Variants in LONRF1 observed in about 807,000 individuals in gnomAD.
LONRF1 encodes the protein LON peptidase N-terminal domain and RING finger protein 1.
A neutral mutation model predicts 85.8 loss-of-function variants in LONRF1; 37 were observed. The observed-to-expected ratio is 0.43, with a 90% CI of 0.33 to 0.57. The LOEUF (loss-of-function observed/expected upper bound fraction) is 0.57. Among genes scored for constraint, LONRF1 ranks in the 20% least tolerant of loss-of-function variants. The probability of loss-of-function intolerance (pLI) is 0.04; values close to 1 mark genes in which losing one functional copy is unlikely to be tolerated. For missense variants in LONRF1, 1,036 were observed against 978.0 expected (o/e 1.06, Z -0.79); for synonymous variants, 517 against 390.1 (o/e 1.33, Z -3.83).
At position 12,728,992 on chromosome 8, in the gene LONRF1, T is replaced by C; in HGVS notation, c.1919A>G (p.Asp640Gly). Residue 640 changes from aspartate (D) to glycine (G), a missense_variant, in exon 10 of 12, where the codon GAT (aspartate) becomes GGT (glycine). Transcript: ENST00000398246. ...CCTAAACCGCTTTCCTCCAACTGTA[T>C]CAACCACAGACCTTCCGTCCGGTAA... Reference protein sequence around the residue: ...HFLPDGRSVVDTVGGKRFRVL... With the variant: ...HFLPDGRSVVGTVGGKRFRVL... 6.2e-7 allele frequency: 1 copy of C among 1,614,060 alleles called. No individual in the cohort carries two copies. Among genetic ancestry groups the C allele is most frequent in the Non-Finnish European group, 8.5e-7 (1 of 1,179,924 alleles).
chr8:12,753,267 T>C (rs6530970), intron 1 of LONRF1: 123,713 of 152,184 alleles, frequency 0.81, 50,725 homozygotes, highest in East Asian at 0.94. Flanking sequence ...TTGACATTAG[T>C]TCAATATGAC....
chr8:12,731,601 T>C (rs985996707), intron 8 of LONRF1, 135 bp downstream of exon 8: 1 of 694,172 alleles, frequency 1.4e-6, no homozygotes, highest in African/African-American at 1.8e-5. Flanking sequence ...TTCTGTCTGT[T>C]GAGGACCACG....
intron 1 of LONRF1, among the ~76,000 whole-genome samples, chr8:12,747,946 C>T (rs1422158792): frequency 1.3e-5 from 2 of 152,054 alleles, no homozygotes; most frequent in African/African-American, 4.8e-5. Context: ...ACATTTTTAA[C>T]ATGTAGTTTT....
At chr8:12,730,592 C>T (rs965810216) in intron 8 of LONRF1, among the ~76,000 whole-genome samples, 4 of 152,100 alleles carry the variant, frequency 2.6e-5, no homozygotes, top group Non-Finnish European at 5.9e-5. Context: ...ACCACTCTTC[C>T]GTGGGCTGGC....
chr8:12,740,385 C>G (rs1563148798), intron 3 of LONRF1, among the ~76,000 whole-genome samples: 1 of 152,136 alleles, frequency 6.6e-6, no homozygotes, highest in South Asian at 2.1e-4. Context: ...TTCCTTCCCC[C>G]ATCTCCTATC....
chr8:12,722,560 C>T lies in LONRF1; in HGVS notation c.*536G>A. ...GCAGTGTTTCCAACAAAGAATGATC[C>T]TCAACACGATATTTTACATACTTGT... is the stretch of plus-strand genomic sequence containing the variant. On this transcript the variant is annotated 3_prime_UTR_variant, in exon 12 of 12. Transcript: ENST00000398246. 6.5e-6 allele frequency: 1 copy of T among 152,826 alleles called. No individual in the cohort carries two copies. The highest frequency in any genetic ancestry group is 1.5e-5 in the Non-Finnish European group (1 of 68,122). 9.5% of individuals were successfully genotyped at this position (152,826 alleles called of 1,614,324 possible).
At chr8:12,753,446 CG>C (rs372877543) in intron 1 of LONRF1, 96 of 152,250 alleles carry the variant, frequency 6.3e-4, no homozygotes, top group African/African-American at 2.3e-3. Flanking sequence ...TTGAAATACG[CG>C]TAACACAAGG....
chr8:12,723,652 A>G (rs938945016), intron 11 of LONRF1, among the ~76,000 whole-genome samples: 22 of 152,238 alleles, frequency 1.4e-4, no homozygotes, highest in African/African-American at 5.3e-4. Flanking sequence ...TATCCACCAG[A>G]TGCCAGTAGC....
intron 8 of LONRF1, 90 bp downstream of exon 8, chr8:12,731,646 G>T (rs1042016458): frequency 1.1e-5 from 12 of 1,088,022 alleles, no homozygotes; most frequent in South Asian, 1.7e-5. Flanking sequence ...AGACTGAGAT[G>T]AACTAAAGAC....
chr8:12,746,946 G>A (rs139103932), intron 1 of LONRF1, among the ~76,000 whole-genome samples: 6 of 152,234 alleles, frequency 3.9e-5, no homozygotes, highest in Non-Finnish European at 8.8e-5. Context: ...AAAGCATGGC[G>A]TGTTTGCTAT....
intron 8 of LONRF1, among the ~76,000 whole-genome samples, chr8:12,730,430 C>T (rs1318245289): frequency 6.6e-6 from 1 of 151,708 alleles, no homozygotes; most frequent in Non-Finnish European, 1.5e-5. Flanking sequence ...TTCAAAATGA[C>T]CATCAATTAC....
At chr8:12,733,831 T>C (rs1416266357) in intron 7 of LONRF1, among the ~76,000 whole-genome samples, 1 of 152,178 alleles carries the variant, frequency 6.6e-6, no homozygotes, top group Non-Finnish European at 1.5e-5. Flanking sequence ...CTGAACAGCA[T>C]ACCAATCTTT....
At chr8:12,745,032 G>C (rs4831784) in intron 1 of LONRF1, among the ~76,000 whole-genome samples, 124,822 of 152,016 alleles carry the variant, frequency 0.82, 51,741 homozygotes, top group East Asian at 0.94. Flanking sequence ...AGTGAAAGAA[G>C]TGACTCAGAA....
chr8:12,736,387 A>G (rs971650504), intron 6 of LONRF1, among the ~76,000 whole-genome samples: 4 of 152,194 alleles, frequency 2.6e-5, no homozygotes, highest in Non-Finnish European at 4.4e-5. Context: ...TTTCAAAAAT[A>G]ATATCATCTA....
chr8:12,754,689 C>T lies in LONRF1; in HGVS notation c.721+11G>A. On this transcript the variant is annotated intron_variant, in intron 1 of 11. Transcript: ENST00000398246. ...GGTCGGCCCGGCCCCGCCGCATCCC[C>T]GCGCGGTCACCTGCTCGCAGCGCCT... The T allele has an allele frequency of 7.5e-7, 1 of 1,339,900 alleles. No homozygotes were observed. The highest frequency in any genetic ancestry group is 9.5e-7 in the Non-Finnish European group (1 of 1,055,606). The allele number at this position is 1,339,900 out of a possible 1,614,324, so 83.0% of individuals were successfully genotyped here. A position where few individuals can be genotyped will look rare whatever the true frequency, so the allele number is the denominator to read the frequency against.
intron 1 of LONRF1, among the ~76,000 whole-genome samples, chr8:12,751,661 C>T (rs1332488860): frequency 1.3e-5 from 2 of 149,910 alleles, no homozygotes; most frequent in African/African-American, 4.9e-5. Flanking sequence ...TATTTTAAAA[C>T]AAAATATCAC....
Position 12,738,117 on chromosome 8 carries a change from T to C in LONRF1, c.991A>G (p.Asn331Asp), listed in dbSNP as rs935016916. 5.0e-6 allele frequency: 8 copies of C among 1,586,596 alleles called. No homozygotes were observed. In the African/African-American group the frequency reaches 1.1e-4, roughly 21 times the overall value. ...KILCDLLLPENLKEGLKESSW... is the reference protein window; with the variant it reads ...KILCDLLLPEDLKEGLKESSW... Reference sequence around the variant, plus strand: ...GATTCCTTCAGGCCTTCTTTTAAGTTTTCAGGTAATAATAAATCACATAAA... The same window carrying C: ...GATTCCTTCAGGCCTTCTTTTAAGTCTTCAGGTAATAATAAATCACATAAA... Residue 331 changes from asparagine to aspartate, a missense_variant, in exon 4 of 12, where the codon AAC becomes GAC. Transcript: ENST00000398246.
chr8:12,740,596 C>G (rs374727870), intron 3 of LONRF1, among the ~76,000 whole-genome samples: 7 of 152,240 alleles, frequency 4.6e-5, no homozygotes, highest in South Asian at 2.1e-4. Flanking sequence ...GATAGTAATG[C>G]TTAATTAAGG....
chr8:12,744,375 A>T (rs1170951009), intron 1 of LONRF1, among the ~76,000 whole-genome samples: 3 of 152,140 alleles, frequency 2.0e-5, no homozygotes, highest in Non-Finnish European at 4.4e-5. Context: ...GAATAAAATT[A>T]ATATTTTATA....
Sources: gnomAD v4.1 joint callset for allele counts (sites outside exome capture counted in the v4.1 genomes callset) on GRCh38, gnomAD v4.1.1 for gene constraint, MANE v1.5 for transcripts, NCBI Gene and HGNC (gene_info 2026-07-23, HGNC 2026-07-21) for gene names.